CDH12: variants seen among roughly 807,000 people sequenced by gnomAD.
CDH12 encodes cadherin 12, also known as cadherin-12.
In CDH12, 41 loss-of-function variants were observed where a neutral mutation model predicts 74.1. The ratio of observed to expected loss-of-function variants is 0.55; its 90% CI spans 0.43 to 0.72. The LOEUF is 0.72. Among genes scored for constraint, CDH12 ranks in the 30% least tolerant of loss-of-function variants. The pLI is 0.00. For missense variants in CDH12, 945 were observed against 977.2 expected, an observed-to-expected ratio of 0.97 and a Z score of 0.44; for synonymous variants, 399 against 355.0, an observed-to-expected ratio of 1.12 and a Z score of -1.39.
At chr5:22,512,297 T>A (rs1469617406) in intron 1 of CDH12, among the ~76,000 whole-genome samples, 2 of 152,212 alleles carry the variant, frequency 1.3e-5, no homozygotes, top group East Asian at 3.8e-4. Context: ...TAGATACACT[T>A]GCTTTGTGTT....
intron 6 of CDH12, among the ~76,000 whole-genome samples, chr5:21,876,382 T>C (rs537245280): frequency 6.6e-6 from 1 of 152,342 alleles, no homozygotes; most frequent in African/African-American, 2.4e-5. Context: ...CATGCCTAAC[T>C]CTACAATCTT....
intron 3 of CDH12, among the ~76,000 whole-genome samples, chr5:22,300,852 G>A (rs1327636686): frequency 6.6e-6 from 1 of 152,114 alleles, no homozygotes; most frequent in Non-Finnish European, 1.5e-5. Context: ...AACTTTATCA[G>A]ATTTCTCTCA....
rs1208386284 is a variant in CDH12, at chr5:21,842,321, A to G, written c.654T>C (p.Ile218=). ...TGTCCATGTTTGGCAAAGCTGTTCT[A>G]ATAACACCTTAAGGGATAAAAGCAA... is the stretch of plus-strand genomic sequence containing the variant. ...YFSIDPKTGV[I]RTALPNMDRE... Residue 218 remains isoleucine, a synonymous_variant, in exon 8 of 15, where the codon ATT becomes ATC. Coordinates refer to ENST00000382254, the MANE Select transcript of CDH12 (RefSeq NM_004061.5). The G allele has an allele frequency of 6.2e-7, 1 of 1,605,622 alleles. No individual in the cohort carries two copies. Among genetic ancestry groups the G allele is most frequent in the Non-Finnish European group, 8.5e-7 (1 of 1,174,838 alleles).
chr5:21,777,474 G>C (rs1306881567), intron 11 of CDH12, among the ~76,000 whole-genome samples: 1 of 151,322 alleles, frequency 6.6e-6, no homozygotes, highest in Non-Finnish European at 1.5e-5. Flanking sequence ...TTTTTACTAT[G>C]TTATTATTTA....
At chr5:21,752,333 C>T (rs1168170972) in intron 14 of CDH12, 97 bp from the exon 15 acceptor site, 17 of 970,930 alleles carry the variant, frequency 1.8e-5, no homozygotes, top group Middle Eastern at 3.3e-4. Flanking sequence ...GGCTGAGTTT[C>T]GTGAATGACC....
chr5:22,607,402 C>A (rs765478788), intron 1 of CDH12, among the ~76,000 whole-genome samples: 17 of 152,170 alleles, frequency 1.1e-4, no homozygotes, highest in Non-Finnish European at 2.1e-4. Flanking sequence ...GTTCCACATG[C>A]CCGGGGAGGC....
chr5:22,820,144 T>C (rs923400805), intron 1 of CDH12, among the ~76,000 whole-genome samples: 1 of 151,338 alleles, frequency 6.6e-6, no homozygotes, highest in African/African-American at 2.4e-5. Flanking sequence ...TATCCAATGC[T>C]TCACAGTAAG....
intron 3 of CDH12, among the ~76,000 whole-genome samples, chr5:22,259,436 A>G (rs1753436760): frequency 6.6e-6 from 1 of 152,106 alleles, no homozygotes; most frequent in African/African-American, 2.4e-5. Flanking sequence ...TCTGGTATAA[A>G]CCATCATAGC....
At chr5:21,820,511 A>G (rs1248906344) in intron 8 of CDH12, among the ~76,000 whole-genome samples, 1 of 152,058 alleles carries the variant, frequency 6.6e-6, no homozygotes, top group Non-Finnish European at 1.5e-5. Context: ...GCAAATATAC[A>G]GAGCAATAGA....
At chr5:22,375,580 A>G (rs1017306654) in intron 3 of CDH12, among the ~76,000 whole-genome samples, 12 of 152,156 alleles carry the variant, frequency 7.9e-5, no homozygotes, top group African/African-American at 2.9e-4. Flanking sequence ...TACATGAGGA[A>G]CTCAAACAAT....
intron 3 of CDH12, among the ~76,000 whole-genome samples, chr5:22,370,436 C>T (rs780991682): frequency 1.3e-5 from 2 of 152,090 alleles, no homozygotes; most frequent in East Asian, 1.9e-4. Flanking sequence ...TAAATAAATT[C>T]GTGAGTAATT....
At chr5:22,581,236 G>A (rs570274914) in intron 1 of CDH12, among the ~76,000 whole-genome samples, 1 of 152,300 alleles carries the variant, frequency 6.6e-6, no homozygotes, top group East Asian at 1.9e-4. Context: ...GGTTTTGTGG[G>A]CCAGGCCCAG....
At position 21,859,367 on chromosome 5, in the gene CDH12, A is replaced by G. The variant is rs373025141; in HGVS notation, c.527-4577T>C. On this transcript the variant is annotated intron_variant, in intron 6 of 14. Transcript: ENST00000382254. ...AGGGGAAAAAGCCCCTTATAAGAAC[A>G]TCAGATTTCATGAAAACCCACTCAC... Among the ~76,000 whole-genome samples the G allele has an allele frequency of 2.2e-3, 332 of 152,004 alleles. 1 individual carries two copies. Among genetic ancestry groups the G allele is most frequent in the African/African-American group, 7.7e-3 (318 of 41,514 alleles).
chr5:22,731,864 T>C (rs1225612882), intron 1 of CDH12, among the ~76,000 whole-genome samples: 1 of 151,822 alleles, frequency 6.6e-6, no homozygotes, highest in Non-Finnish European at 1.5e-5. Context: ...TCCTCTTAAA[T>C]AATTAAAATT....
intron 10 of CDH12, among the ~76,000 whole-genome samples, chr5:21,796,772 C>T (rs2149915184): frequency 6.6e-6 from 1 of 152,190 alleles, no homozygotes; most frequent in South Asian, 2.1e-4. Flanking sequence ...TGAAATCTTT[C>T]TGTAACCCAA....
intron 1 of CDH12, among the ~76,000 whole-genome samples, chr5:22,795,257 G>T (rs1055255762): frequency 6.6e-6 from 1 of 152,114 alleles, no homozygotes; most frequent in Non-Finnish European, 1.5e-5. Flanking sequence ...AAGAGATGAC[G>T]ATGGGAGTGT....
At chr5:22,785,663 A>C (rs1234078829) in intron 1 of CDH12, among the ~76,000 whole-genome samples, 1 of 152,034 alleles carries the variant, frequency 6.6e-6, no homozygotes, top group Non-Finnish European at 1.5e-5. Flanking sequence ...GACTACAGGC[A>C]CATGTCACTA....
intron 3 of CDH12, among the ~76,000 whole-genome samples, chr5:22,365,087 T>A (rs1740972289): frequency 6.6e-6 from 1 of 152,226 alleles, no homozygotes; most frequent in Non-Finnish European, 1.5e-5. Context: ...TATTTCCTTT[T>A]ATATCACACT....
intron 1 of CDH12, among the ~76,000 whole-genome samples, chr5:22,753,988 A>G (rs1745746650): frequency 6.6e-6 from 1 of 152,146 alleles, no homozygotes; most frequent in Admixed American, 6.5e-5. Context: ...TATTCTTTTC[A>G]TAAACTTGAA....
Sources: allele counts gnomAD v4.1 joint callset (sites outside exome capture counted in the v4.1 genomes callset), GRCh38; gene constraint gnomAD v4.1.1; transcripts MANE v1.5; gene names NCBI Gene and HGNC (gene_info 2026-07-23, HGNC 2026-07-21).